The following RC3H1 variants were observed in gnomAD, a reference collection of about 807,000 sequenced individuals.
RC3H1 encodes roquin-1.
RC3H1 carries 50 observed loss-of-function variants against 138.2 expected under a neutral mutation model. The ratio of observed to expected loss-of-function variants is 0.36; its 90% CI spans 0.29 to 0.46. The LOEUF (loss-of-function observed/expected upper bound fraction) is 0.46, where lower values mean the gene tolerates loss of function less well. RC3H1 is among the 20% of genes least tolerant of loss of function. RC3H1 has a pLI of 1.00. For synonymous variants in RC3H1, 462 were observed against 489.1 expected (o/e 0.94, Z 0.73); for missense variants, 1,031 against 1,388.1 (o/e 0.74, Z 4.09).
At chr1:174,002,053 T>C (rs1048015335) in intron 1 of RC3H1, among the ~76,000 whole-genome samples, 4 of 152,330 alleles carry the variant, frequency 2.6e-5, no homozygotes, top group Admixed American at 6.5e-5. Context: ...TGAAACTGTT[T>C]TTTTGTTGGG....
chr1:174,020,421 T>C (rs1189361417), intron 1 of RC3H1, among the ~76,000 whole-genome samples: 1 of 152,168 alleles, frequency 6.6e-6, no homozygotes, highest in Non-Finnish European at 1.5e-5. Context: ...ACTAGACTAG[T>C]GCTGCTTATA....
At chr1:173,938,904 G>A (rs1354347589) in intron 19 of RC3H1, 33 bp from the exon 20 acceptor site, 1 of 1,534,616 alleles carries the variant, frequency 6.5e-7, no homozygotes, top group South Asian at 1.2e-5. Context: ...AAAAAGGAGA[G>A]AGAGAAAAAT....
chr1:173,967,931 T>C (rs1184609648), intron 9 of RC3H1, among the ~76,000 whole-genome samples: 1 of 152,244 alleles, frequency 6.6e-6, no homozygotes. Context: ...CTTGCCTTCC[T>C]AAATATTTAA....
chr1:173,941,110 C>T (rs1402776822), intron 19 of RC3H1, among the ~76,000 whole-genome samples, 155 bp downstream of exon 19: 4 of 152,068 alleles, frequency 2.6e-5, no homozygotes, highest in Non-Finnish European at 4.4e-5. Context: ...TGAGCCACTG[C>T]GCCCGGCCGC....
intron 4 of RC3H1, 154 bp from the exon 5 acceptor site, chr1:173,983,056 T>G: frequency 3.5e-6 from 2 of 572,216 alleles, no homozygotes. Context: ...ACCATTTTTG[T>G]GAGCAATTTT....
chr1:173,947,233 G>C (rs2102868269), intron 15 of RC3H1, 136 bp downstream of exon 15: 2 of 649,300 alleles, frequency 3.1e-6, no homozygotes, highest in East Asian at 5.4e-5. Context: ...TTTCTTACAG[G>C]GATGATTCCA....
At position 173,933,439 on chromosome 1, in the gene RC3H1, C is replaced by A. The variant is rs1658463110; in HGVS notation, c.*5282G>T. 6.6e-6 allele frequency: 1 copy of A among 152,014 alleles called. No individual in the cohort carries two copies. 9.4% of individuals were successfully genotyped at this position (152,014 alleles called of 1,614,324 possible). A position where few individuals can be genotyped will look rare whatever the true frequency, so the allele number is the denominator to read the frequency against. The stretch of plus-strand genomic sequence containing the variant: ...GTCTTACTCTTTATTAACACTATAG[C>A]TAGTATTACTTATCAATTATAATCT... On this transcript the variant is annotated 3_prime_UTR_variant, in exon 20 of 20. Coordinates refer to ENST00000367696, the MANE Select transcript of RC3H1 (RefSeq NM_172071.4).
chr1:173,982,228 A>C (rs1305327838), intron 5 of RC3H1, among the ~76,000 whole-genome samples: 1 of 152,036 alleles, frequency 6.6e-6, no homozygotes, highest in Non-Finnish European at 1.5e-5. Context: ...AAAAATACAA[A>C]AAGTAGCCAG....
rs372497146 is a variant in RC3H1 at position 173,984,564 on chromosome 1, T to C, written c.287A>G (p.Tyr96Cys). The C allele has an allele frequency of 1.2e-6, 2 of 1,613,982 alleles. No homozygotes were observed. The highest frequency in any genetic ancestry group is 1.7e-6 in the Non-Finnish European group (2 of 1,179,972). ...TTCTACACATTTCTTGGCTTCCTCA[T>C]AATGCTTTGTGTCTTCAACCCCACT... ...LCSGVEDTKHYEEAKKCVEEL... is the reference protein window; with the variant it reads ...LCSGVEDTKHCEEAKKCVEEL... Residue 96 changes from tyrosine (Y) to cysteine (C), a missense_variant, in exon 3 of 20, where the codon TAT becomes TGT. This residue lies in a region of RC3H1 where 80 missense variants were observed against 81.1 expected (regional missense o/e 0.99). Coordinates refer to ENST00000367696, the MANE Select transcript of RC3H1 (RefSeq NM_172071.4).
chr1:173,976,064 G>A (rs1055811322), intron 7 of RC3H1, among the ~76,000 whole-genome samples: 1 of 152,012 alleles, frequency 6.6e-6, no homozygotes, highest in Non-Finnish European at 1.5e-5. Flanking sequence ...TGAGAAAGCA[G>A]AGGATGCTGA....
intron 1 of RC3H1, among the ~76,000 whole-genome samples, chr1:174,001,475 C>G (rs1381200611): frequency 6.6e-6 from 1 of 152,110 alleles, no homozygotes; most frequent in Non-Finnish European, 1.5e-5. Flanking sequence ...GACACAGATT[C>G]TCATTCTGTT....
chr1:174,008,648 T>C (rs192674150), intron 1 of RC3H1, among the ~76,000 whole-genome samples: 2 of 152,260 alleles, frequency 1.3e-5, no homozygotes, highest in Admixed American at 1.3e-4. Context: ...TTTATCTTTA[T>C]ATAAAGCGGT....
intron 1 of RC3H1, among the ~76,000 whole-genome samples, chr1:174,017,912 AGGTATACCAG>A (rs1661892361): frequency 6.6e-6 from 1 of 152,008 alleles, no homozygotes; most frequent in Non-Finnish European, 1.5e-5. Flanking sequence ...TAATCAGTGA[AGGTATACCAG>A]TGTCAGTTTA....
At chr1:173,942,084 T>TA (rs1398818993) in intron 18 of RC3H1, among the ~76,000 whole-genome samples, 9 of 148,996 alleles carry the variant, frequency 6.0e-5, no homozygotes, top group East Asian at 6.0e-4. Flanking sequence ...ACTAAAAATA[T>TA]AAAAAAAATT....
At chr1:173,953,392 C>T (rs1262675523) in intron 13 of RC3H1, among the ~76,000 whole-genome samples, 1 of 152,084 alleles carries the variant, frequency 6.6e-6, no homozygotes, top group Non-Finnish European at 1.5e-5. Flanking sequence ...CTGACTCAGC[C>T]TCCCAGGTAT....
At chr1:173,990,180 C>A (rs186107483) in intron 2 of RC3H1, among the ~76,000 whole-genome samples, 2 of 151,174 alleles carry the variant, frequency 1.3e-5, no homozygotes, top group East Asian at 2.0e-4. Flanking sequence ...TGGGTTCAAG[C>A]GAGTCTCATG....
rs572409190 is a variant in RC3H1 at position 173,949,715 on chromosome 1, ATAAGAATGTTT to A, written c.2524-2144_2524-2134del. 8.1e-4 allele frequency among the ~76,000 whole-genome samples: 124 copies of A among 152,364 alleles called. 1 individual carries two copies. Among genetic ancestry groups the A allele is most frequent in the African/African-American group, 2.8e-3 (117 of 41,590 alleles). On this transcript the variant is annotated intron_variant, in intron 14 of 19. Coordinates refer to ENST00000367696, the MANE Select transcript of RC3H1 (RefSeq NM_172071.4). Reference sequence around the variant, plus strand: ...AACTTTCACACACGTGAAGACATACATAAGAATGTTTGAAGAATGTTTGTTGGAGTACCATA... The same window carrying A: ...AACTTTCACACACGTGAAGACATACAGAAGAATGTTTGTTGGAGTACCATA...
intron 9 of RC3H1, among the ~76,000 whole-genome samples, chr1:173,967,095 G>A (rs1660153789): frequency 6.6e-6 from 1 of 152,156 alleles, no homozygotes; most frequent in Non-Finnish European, 1.5e-5. Context: ...GCTGAGGTGG[G>A]TGGATTCACT....
intron 19 of RC3H1, 84 bp downstream of exon 19, chr1:173,941,181 G>T: frequency 3.8e-6 from 3 of 792,778 alleles, no homozygotes; most frequent in Admixed American, 2.2e-5. Flanking sequence ...TATTTATGAG[G>T]GTATTTCTGA....
Sources: gnomAD v4.1 joint callset for allele counts (sites outside exome capture counted in the v4.1 genomes callset) on GRCh38, gnomAD v4.1.1 for gene constraint, gnomAD v4.1.1 regional missense constraint, MANE v1.5 for transcripts, NCBI Gene and HGNC (gene_info 2026-07-23, HGNC 2026-07-21) for gene names.